Variants in ANO3 observed in about 807,000 individuals in gnomAD.
ANO3 encodes the protein anoctamin-3.
A neutral mutation model predicts 144.8 loss-of-function variants in ANO3; 99 were observed. The observed-to-expected ratio is 0.68, with a 90% CI of 0.58 to 0.81. ANO3 has a LOEUF of 0.81. Among genes scored for constraint, ANO3 ranks in the 30% least tolerant of loss-of-function variants. The pLI is 0.00. For synonymous variants in ANO3, 414 were observed against 392.6 expected (o/e 1.05, Z -0.64); for missense variants, 905 against 1,202.2 (o/e 0.75, Z 3.66).
At chr11:26,565,650 C>T (rs1036927971) in intron 14 of ANO3, 4 of 1,608,372 alleles carry the variant, frequency 2.5e-6, no homozygotes, top group South Asian at 2.2e-5. Flanking sequence ...AGGGGAATGA[C>T]TCGCCTTGAG....
At chr11:26,481,923 T>G (rs1388196223) in intron 4 of ANO3, among the ~76,000 whole-genome samples, 1 of 152,182 alleles carries the variant, frequency 6.6e-6, no homozygotes, top group Non-Finnish European at 1.5e-5. Context: ...AGACTATGTC[T>G]CACTCTTCAC....
chr11:26,352,399 T>A (rs1415633339), intron 1 of ANO3, among the ~76,000 whole-genome samples: 1 of 152,116 alleles, frequency 6.6e-6, no homozygotes. Context: ...TATATTTTAT[T>A]TTGTAGGGTC....
intron 17 of ANO3, among the ~76,000 whole-genome samples, chr11:26,605,636 C>T (rs935746382): frequency 2.6e-5 from 4 of 152,080 alleles, no homozygotes; most frequent in Non-Finnish European, 5.9e-5. Flanking sequence ...TTCAGGGATT[C>T]GACTTCTTCC....
chr11:26,613,057 TTTCTGTC>T (rs1852145528), intron 17 of ANO3, among the ~76,000 whole-genome samples: 1 of 152,124 alleles, frequency 6.6e-6, no homozygotes. Flanking sequence ...ATTTGGGAAG[TTTCTGTC>T]TATTATCCTG....
At chr11:26,468,283 A>G (rs1251615814) in intron 4 of ANO3, among the ~76,000 whole-genome samples, 1 of 151,998 alleles carries the variant, frequency 6.6e-6, no homozygotes, top group Non-Finnish European at 1.5e-5. Flanking sequence ...CACCACTGTC[A>G]CTTACGATGC....
chr11:26,375,864 C>A (rs949459077), intron 1 of ANO3, among the ~76,000 whole-genome samples: 3 of 152,036 alleles, frequency 2.0e-5, no homozygotes, highest in African/African-American at 7.2e-5. Context: ...GCAGCAACAA[C>A]AACAAAACAA....
At chr11:26,496,776 T>C (rs1860961679) in intron 4 of ANO3, among the ~76,000 whole-genome samples, 1 of 152,064 alleles carries the variant, frequency 6.6e-6, no homozygotes, top group Non-Finnish European at 1.5e-5. Context: ...ACATGCAGTA[T>C]TTGACTTTCT....
chr11:26,354,855 G>A (rs1855737783), intron 1 of ANO3, among the ~76,000 whole-genome samples: 1 of 151,560 alleles, frequency 6.6e-6, no homozygotes, highest in African/African-American at 2.4e-5. Flanking sequence ...TCCTAAGATT[G>A]ATTTCTCCTC....
intron 1 of ANO3, among the ~76,000 whole-genome samples, chr11:26,190,281 C>T (rs1378076618): frequency 2.0e-5 from 3 of 151,906 alleles, no homozygotes; most frequent in Admixed American, 6.6e-5. Context: ...ATTATATAAC[C>T]CCCAGTCAAT....
chr11:26,512,069 A>G (rs1419123652), intron 5 of ANO3, among the ~76,000 whole-genome samples: 5 of 152,174 alleles, frequency 3.3e-5, no homozygotes, highest in Non-Finnish European at 7.4e-5. Flanking sequence ...ATAAATTTGG[A>G]TTACTGAAAA....
chr11:26,460,528 G>A (rs1234035656), intron 3 of ANO3, among the ~76,000 whole-genome samples: 1 of 151,818 alleles, frequency 6.6e-6, no homozygotes, highest in Admixed American at 6.6e-5. Flanking sequence ...AAGGAATTTA[G>A]AAAATAAAAT....
At chr11:26,319,386 A>T (rs1854704884) in intron 1 of ANO3, among the ~76,000 whole-genome samples, 1 of 152,016 alleles carries the variant, frequency 6.6e-6, no homozygotes, top group Admixed American at 6.6e-5. Context: ...CTAGTATGTA[A>T]CTTTCTATAT....
At chr11:26,244,143 GA>G (rs71447458) in intron 1 of ANO3, among the ~76,000 whole-genome samples, 3 of 130,318 alleles carry the variant, frequency 2.3e-5, no homozygotes, top group African/African-American at 5.4e-5. Context: ...AAAAGAAAAA[GA>G]AAAAGAAAAG....
At chr11:26,577,976 A>T (rs1205465409) in intron 14 of ANO3, among the ~76,000 whole-genome samples, 1 of 152,212 alleles carries the variant, frequency 6.6e-6, no homozygotes, top group Non-Finnish European at 1.5e-5. Flanking sequence ...TAGAACTATG[A>T]ATGTAATTAT....
intron 1 of ANO3, among the ~76,000 whole-genome samples, chr11:26,203,469 A>T (rs1250311373): frequency 6.6e-6 from 1 of 152,150 alleles, no homozygotes; most frequent in Non-Finnish European, 1.5e-5. Context: ...TCAAAGATGC[A>T]GTTGGAGTTG....
intron 4 of ANO3, among the ~76,000 whole-genome samples, chr11:26,492,430 CATCT>C (rs1165029382): frequency 6.6e-6 from 1 of 152,128 alleles, no homozygotes; most frequent in East Asian, 1.9e-4. Context: ...TGGTCAGCTC[CATCT>C]GTCATGATAA....
chr11:26,231,625 C>G (rs898731), intron 1 of ANO3, among the ~76,000 whole-genome samples: 4 of 151,930 alleles, frequency 2.6e-5, no homozygotes, highest in African/African-American at 9.7e-5. Context: ...TCTGGGGTTT[C>G]GGATTCAAAT....
At chr11:26,289,329 G>A (rs1191264581) in intron 1 of ANO3, among the ~76,000 whole-genome samples, 1 of 151,480 alleles carries the variant, frequency 6.6e-6, no homozygotes, top group Non-Finnish European at 1.5e-5. Context: ...TAATAAAAAT[G>A]GGATAATAAT....
At chr11:26,223,235 C>G (rs67321699) in intron 1 of ANO3, among the ~76,000 whole-genome samples, 1 of 151,808 alleles carries the variant, frequency 6.6e-6, no homozygotes, top group Non-Finnish European at 1.5e-5. Context: ...TACCCTGAGT[C>G]GTCATTATTA....
Sources: gnomAD v4.1 joint callset for allele counts (sites outside exome capture counted in the v4.1 genomes callset) on GRCh38, gnomAD v4.1.1 for gene constraint, MANE v1.5 for transcripts, NCBI Gene and HGNC (gene_info 2026-07-23, HGNC 2026-07-21) for gene names.